GBE1: variants seen among roughly 807,000 people sequenced by gnomAD.
GBE1 encodes 1,4-alpha-glucan-branching enzyme.
GBE1 carries 70 observed loss-of-function variants against 88.8 expected under a neutral mutation model. That is an observed-to-expected ratio of 0.79 (90% CI 0.65 to 0.96). GBE1 has a LOEUF of 0.96. Among genes scored for constraint, GBE1 ranks in the 40% least tolerant of loss-of-function variants. The pLI is 0.00. For missense variants in GBE1, 872 were observed against 871.0 expected, an observed-to-expected ratio of 1.00 and a Z score of -0.01; for synonymous variants, 284 against 300.1, an observed-to-expected ratio of 0.95 and a Z score of 0.56.
Position 81,634,535 on chromosome 3 carries a change from T to C in GBE1, c.992+8246A>G, listed in dbSNP as rs1461290041. On this transcript the variant is annotated intron_variant, in intron 7 of 15. Coordinates refer to ENST00000429644, the MANE Select transcript of GBE1 (RefSeq NM_000158.4). Reference sequence around the variant, plus strand: ...TGTTTTCAGTACTAACGAACAGGAATCTATCACATCACTTTGCAGTGTTGC... The same window carrying C: ...TGTTTTCAGTACTAACGAACAGGAACCTATCACATCACTTTGCAGTGTTGC... Among the ~76,000 whole-genome samples the C allele has an allele frequency of 4.6e-5, 7 of 152,322 alleles. No individual in the cohort carries two copies. In the East Asian group the frequency reaches 1.4e-3, roughly 29 times the overall value.
At chr3:81,589,977 G>C (rs559631098) in intron 9 of GBE1, among the ~76,000 whole-genome samples, 34 of 152,064 alleles carry the variant, frequency 2.2e-4, no homozygotes, top group African/African-American at 7.9e-4. Flanking sequence ...TGTCTAAATT[G>C]TATGGTAGGT....
At chr3:81,650,074 T>G in intron 3 of GBE1, 153 bp from the exon 4 acceptor site, 1 of 551,826 alleles carries the variant, frequency 1.8e-6, no homozygotes, top group Non-Finnish European at 3.2e-6. Flanking sequence ...AACATAATTC[T>G]ATCAATGTTG....
intron 7 of GBE1, chr3:81,612,309 A>T: frequency 1.2e-6 from 1 of 855,676 alleles, no homozygotes; most frequent in Non-Finnish European, 1.8e-6. Flanking sequence ...GTTTGACTTT[A>T]ATGTTTCGTC....
chr3:81,521,030 G>C (rs531887742), intron 14 of GBE1, among the ~76,000 whole-genome samples: 30 of 151,580 alleles, frequency 2.0e-4, no homozygotes, highest in Middle Eastern at 6.8e-3. Context: ...AGCATCCTTA[G>C]TGTTTCTTCT....
At chr3:81,761,182 A>G (rs1190786731) in intron 1 of GBE1, among the ~76,000 whole-genome samples, 193 bp downstream of exon 1, 2 of 152,244 alleles carry the variant, frequency 1.3e-5, no homozygotes, top group African/African-American at 4.8e-5. Context: ...TCCGGGCACC[A>G]GCGCTGTCAA....
At chr3:81,712,122 C>G (rs1261233126) in intron 1 of GBE1, among the ~76,000 whole-genome samples, 2 of 152,150 alleles carry the variant, frequency 1.3e-5, no homozygotes, top group East Asian at 1.9e-4. Context: ...ACACCAGTTA[C>G]AATGGCGATC....
intron 7 of GBE1, chr3:81,642,568 G>T: frequency 6.5e-6 from 3 of 460,894 alleles, no homozygotes; most frequent in South Asian, 6.3e-5. Context: ...ATTTTACATG[G>T]CGTAAGATAT....
Position 81,528,442 on chromosome 3 carries a change from C to T in GBE1, c.1934+6753G>A, listed in dbSNP as rs114290339. Among the ~76,000 whole-genome samples, 466 of 152,102 alleles carry T rather than the reference C, an allele frequency of 3.1e-3. 1 individual carries two copies. Among genetic ancestry groups the T allele is most frequent in the Middle Eastern group, 6.8e-3 (2 of 294 alleles). On this transcript the variant is annotated intron_variant, in intron 14 of 15. Coordinates refer to ENST00000429644, the MANE Select transcript of GBE1 (RefSeq NM_000158.4). Reference sequence around the variant, plus strand: ...AGAATGTTCCATGAGCTGAGGAGAACTTGCCTTTTGCAGCCGTTGGATGAA... The same window carrying T: ...AGAATGTTCCATGAGCTGAGGAGAATTTGCCTTTTGCAGCCGTTGGATGAA...
chr3:81,682,379 T>C (rs1014004047), intron 2 of GBE1, among the ~76,000 whole-genome samples: 10 of 152,112 alleles, frequency 6.6e-5, no homozygotes, highest in Non-Finnish European at 1.5e-4. Flanking sequence ...GGAGGATTGA[T>C]TGAGCCCAGA....
At chr3:81,498,402 G>A (rs921391123) in intron 15 of GBE1, among the ~76,000 whole-genome samples, 1 of 152,022 alleles carries the variant, frequency 6.6e-6, no homozygotes, top group African/African-American at 2.4e-5. Flanking sequence ...AATTAGGAAT[G>A]GTAGATGTGG....
At chr3:81,642,288 T>G (rs1704694575) in intron 7 of GBE1, among the ~76,000 whole-genome samples, 1 of 152,060 alleles carries the variant, frequency 6.6e-6, no homozygotes. Flanking sequence ...AGCTAATATA[T>G]CTAAAACACT....
intron 7 of GBE1, among the ~76,000 whole-genome samples, chr3:81,637,221 T>C (rs1177032038): frequency 1.3e-5 from 2 of 152,184 alleles, no homozygotes; most frequent in African/African-American, 4.8e-5. Flanking sequence ...TGTGATGCTA[T>C]GAAGATAAGG....
chr3:81,652,859 C>G (rs1358544488), intron 3 of GBE1, among the ~76,000 whole-genome samples: 1 of 152,080 alleles, frequency 6.6e-6, no homozygotes, highest in Non-Finnish European at 1.5e-5. Flanking sequence ...GCTCACAAAA[C>G]TCTTTTGGTG....
chr3:81,748,484 G>A (rs192726406), intron 1 of GBE1, among the ~76,000 whole-genome samples: 3,036 of 151,560 alleles, frequency 0.02, 101 homozygotes, highest in African/African-American at 0.069. Context: ...GGTGGCGGGC[G>A]CCTGTAGTCC....
At chr3:81,600,503 G>C (rs2106968163) in intron 7 of GBE1, among the ~76,000 whole-genome samples, 1 of 152,118 alleles carries the variant, frequency 6.6e-6, no homozygotes, top group Admixed American at 6.6e-5. Flanking sequence ...TTATAGGCCT[G>C]AGCCATGGTG....
chr3:81,536,217 A>G (rs1207692311), intron 13 of GBE1, among the ~76,000 whole-genome samples: 6 of 152,012 alleles, frequency 3.9e-5, no homozygotes, highest in East Asian at 1.9e-4. Flanking sequence ...GCCATTAAAA[A>G]AAAAAGAATC....
At chr3:81,578,932 T>A (rs1447747678) in intron 11 of GBE1, among the ~76,000 whole-genome samples, 1 of 152,078 alleles carries the variant, frequency 6.6e-6, no homozygotes, top group Non-Finnish European at 1.5e-5. Flanking sequence ...TAACCTACTT[T>A]AATTAAAATG....
At chr3:81,535,994 T>C (rs1005752425) in intron 13 of GBE1, among the ~76,000 whole-genome samples, 1 of 152,136 alleles carries the variant, frequency 6.6e-6, no homozygotes, top group African/African-American at 2.4e-5. Context: ...AGAGGACTTA[T>C]TGCCATGCAT....
chr3:81,561,842 T>C (rs1186761184), intron 12 of GBE1, among the ~76,000 whole-genome samples: 5 of 152,036 alleles, frequency 3.3e-5, no homozygotes, highest in Non-Finnish European at 7.4e-5. Context: ...TTCACCTTCT[T>C]AGCTTTGTGT....
Sources: allele counts gnomAD v4.1 joint callset (sites outside exome capture counted in the v4.1 genomes callset), GRCh38; gene constraint gnomAD v4.1.1; transcripts MANE v1.5; gene names NCBI Gene and HGNC (gene_info 2026-07-23, HGNC 2026-07-21).